Variants in SRSF11 observed in about 807,000 individuals in gnomAD.
SRSF11 encodes serine and arginine rich splicing factor 11, also known as serine/arginine-rich splicing factor 11.
Under a neutral mutation model 56.0 loss-of-function variants are expected in SRSF11, and 9 were observed. The ratio of observed to expected loss-of-function variants is 0.16; its 90% CI spans 0.10 to 0.28. The LOEUF is 0.28. Ranked by LOEUF, SRSF11 falls within the 10% of genes least tolerant of loss-of-function variation. The pLI, the probability that SRSF11 is intolerant of heterozygous loss-of-function variation, is 1.00. For synonymous variants in SRSF11, 222 were observed against 215.3 expected (o/e 1.03, Z -0.27); for missense variants, 421 against 600.7 (o/e 0.70, Z 3.13).
intron 1 of SRSF11, among the ~76,000 whole-genome samples, chr1:70,224,034 C>G (rs1671217891): frequency 6.6e-6 from 1 of 152,118 alleles, no homozygotes; most frequent in South Asian, 2.1e-4. Flanking sequence ...TCTTGTCATT[C>G]CCTAAACAGT....
At chr1:70,246,168 A>T (rs1676698797) in intron 8 of SRSF11, among the ~76,000 whole-genome samples, 1 of 152,118 alleles carries the variant, frequency 6.6e-6, no homozygotes, top group African/African-American at 2.4e-5. Flanking sequence ...TTCAACAAAT[A>T]TATATCGTTT....
At position 70,234,726 on chromosome 1, in the gene SRSF11, G is replaced by T; in HGVS notation, c.478G>T (p.Ala160Ser). Residue 160 changes from alanine to serine, a missense_variant, in exon 4 of 12, where the codon GCT becomes TCT. Transcript: ENST00000370949. ...IGAVPLAALG[A>S]PTLDPALAAL... The stretch of plus-strand genomic sequence containing the variant: ...CGCTGTTCCACTGGCTGCTTTGGGG[G>T]CTCCTACTCTTGATCCTGCCCTTGC... 6.2e-7 allele frequency: 1 copy of T among 1,608,472 alleles called. No homozygotes were observed. The highest frequency in any genetic ancestry group is 2.2e-5 in the East Asian group (1 of 44,636).
intron 1 of SRSF11, among the ~76,000 whole-genome samples, chr1:70,226,539 A>G (rs983769215): frequency 6.6e-6 from 1 of 152,206 alleles, no homozygotes; most frequent in Admixed American, 6.5e-5. Flanking sequence ...TTTGGGAGTC[A>G]TTTCTTTTAA....
intron 3 of SRSF11, among the ~76,000 whole-genome samples, chr1:70,233,789 G>A (rs1644278446): frequency 6.6e-6 from 1 of 152,190 alleles, no homozygotes; most frequent in Non-Finnish European, 1.5e-5. Flanking sequence ...CATGGTTTGT[G>A]TCTATTACAT....
intron 7 of SRSF11, among the ~76,000 whole-genome samples, chr1:70,242,783 A>G (rs145190540): frequency 2.9e-3 from 446 of 152,282 alleles, no homozygotes; most frequent in Non-Finnish European, 4.5e-3. Context: ...TTAATCTCTT[A>G]AGGTTATGAT....
intron 7 of SRSF11, among the ~76,000 whole-genome samples, chr1:70,243,707 A>C (rs1676078702): frequency 6.6e-6 from 1 of 152,204 alleles, no homozygotes; most frequent in South Asian, 2.1e-4. Context: ...ACTAAAAGTT[A>C]AGTGATCAAG....
At chr1:70,231,330 A>G (rs1211879675) in intron 2 of SRSF11, 1 of 1,150,866 alleles carries the variant, frequency 8.7e-7, no homozygotes, top group East Asian at 6.2e-5. Context: ...TAACAGATTA[A>G]TCCATCTGTA....
intron 7 of SRSF11, among the ~76,000 whole-genome samples, chr1:70,239,726 A>T (rs1674904304): frequency 6.6e-6 from 1 of 152,168 alleles, no homozygotes; most frequent in Non-Finnish European, 1.5e-5. Flanking sequence ...AAACCCCCAA[A>T]AATTCAGAGG....
chr1:70,245,637 G>A (rs1282270545), intron 8 of SRSF11, among the ~76,000 whole-genome samples: 2 of 152,160 alleles, frequency 1.3e-5, no homozygotes, highest in East Asian at 3.9e-4. Flanking sequence ...AGAATGACTC[G>A]AGTATTAAAT....
chr1:70,216,258 T>C (rs139178084), intron 1 of SRSF11, among the ~76,000 whole-genome samples: 285 of 152,260 alleles, frequency 1.9e-3, no homozygotes, highest in African/African-American at 6.7e-3. Flanking sequence ...TTCCTGCCAA[T>C]ATCACGCACC....
upstream of SRSF11, among the ~76,000 whole-genome samples, chr1:70,217,906 G>C (rs543542838): frequency 3.3e-4 from 50 of 152,238 alleles, 1 homozygote; most frequent in South Asian, 8.1e-3. Flanking sequence ...ACTGACACAG[G>C]TTCTTAGAAG....
chr1:70,210,272 C>T (rs1669443316), intron 1 of SRSF11, among the ~76,000 whole-genome samples: 1 of 151,972 alleles, frequency 6.6e-6, no homozygotes, highest in Admixed American at 6.6e-5. Context: ...AACCTCCTCC[C>T]CATGCCCCCC....
rs1313756242 is a variant in SRSF11 at position 70,206,570 on chromosome 1, TG to T, written c.-26+791del. Among the ~76,000 whole-genome samples, 3 of 152,288 alleles carry T rather than the reference TG, an allele frequency of 2.0e-5. No homozygotes were observed. In the East Asian group the frequency reaches 5.8e-4, roughly 29 times the overall value. ...TTATTAAGATTAATCCTGCCTAGTATGTGTACTATCCTGGGTGCTAGACTTT... is the reference window on the plus strand; with the variant it reads ...TTATTAAGATTAATCCTGCCTAGTATTGTACTATCCTGGGTGCTAGACTTT... On this transcript the variant is annotated intron_variant, in intron 1 of 12. Transcript: ENST00000370950.
intron 1 of SRSF11, among the ~76,000 whole-genome samples, chr1:70,206,035 A>G (rs547237775): frequency 6.6e-6 from 1 of 152,304 alleles, no homozygotes; most frequent in African/African-American, 2.4e-5. Context: ...GTACGGAGTA[A>G]AAGAAATTTT....
At chr1:70,219,392 C>T (rs1295926332), upstream of SRSF11, among the ~76,000 whole-genome samples, 1 of 152,110 alleles carries the variant, frequency 6.6e-6, no homozygotes, top group East Asian at 1.9e-4. Flanking sequence ...CACATCCTCC[C>T]AAATATTTTA....
intron 2 of SRSF11, chr1:70,230,988 T>G: frequency 7.9e-7 from 1 of 1,266,652 alleles, no homozygotes; most frequent in Non-Finnish European, 1.0e-6. Context: ...ATAACAGTGC[T>G]GTGTAGTATA....
intron 7 of SRSF11, among the ~76,000 whole-genome samples, chr1:70,240,770 C>CT (rs72113966): frequency 0.031 from 3,435 of 109,848 alleles, 182 homozygotes; most frequent in African/African-American, 0.049. Context: ...CATCACTGGA[C>CT]TTTTTTTTTT....
intron 3 of SRSF11, among the ~76,000 whole-genome samples, chr1:70,234,010 T>C (rs1673407714): frequency 6.6e-6 from 1 of 152,256 alleles, no homozygotes; most frequent in African/African-American, 2.4e-5. Context: ...TTTCCCCATC[T>C]ATGCTGAAAC....
At chr1:70,241,641 A>G (rs746573293) in intron 7 of SRSF11, among the ~76,000 whole-genome samples, 1 of 152,224 alleles carries the variant, frequency 6.6e-6, no homozygotes, top group African/African-American at 2.4e-5. Context: ...AATTGCCTCA[A>G]CATACCATTT....
Sources: allele counts gnomAD v4.1 joint callset (sites outside exome capture counted in the v4.1 genomes callset), GRCh38; gene constraint gnomAD v4.1.1; transcripts MANE v1.5; gene names NCBI Gene and HGNC (gene_info 2026-07-23, HGNC 2026-07-21).